Variants in KLHL4 observed in about 807,000 individuals in gnomAD.
KLHL4 encodes kelch-like protein 4.
A neutral mutation model predicts 45.8 loss-of-function variants in KLHL4; 17 were observed. The ratio of observed to expected loss-of-function variants is 0.37; its 90% CI spans 0.25 to 0.56. The LOEUF (loss-of-function observed/expected upper bound fraction) is 0.56, where lower values mean the gene tolerates loss of function less well. KLHL4 is among the 20% of genes least tolerant of loss of function. The pLI is 0.79. For missense variants in KLHL4, 544 were observed against 544.9 expected, an observed-to-expected ratio of 1.00 and a Z score of 0.02; for synonymous variants, 224 against 189.9, an observed-to-expected ratio of 1.18 and a Z score of -1.47.
Position 87,667,591 on chromosome X carries a change from T to TAAAA in KLHL4, c.*1067_*1070dup. ...AAAATGTTAGGATATGTGTGCTATA[T>TAAAA]AAAAAAAAAAAAAGACTTGTTAAGT... On this transcript the variant is annotated 3_prime_UTR_variant, in exon 11 of 11. Coordinates refer to ENST00000373119, the MANE Select transcript of KLHL4 (RefSeq NM_019117.5). 2.2e-6 allele frequency: 1 copy of TAAAA among 463,982 alleles called. No homozygotes were observed. The allele number at this position is 463,982 out of a possible 1,213,427, so 38.2% of individuals were successfully genotyped here. A position where few individuals can be genotyped will look rare whatever the true frequency, so the allele number is the denominator to read the frequency against.
intron 1 of KLHL4, among the ~76,000 whole-genome samples, chrX:87,613,281 A>T (rs765642749): frequency 1.1e-4 from 12 of 112,080 alleles, no homozygotes; most frequent in African/African-American, 3.9e-4. Context: ...GTGATGTTGA[A>T]AATACAGGTA....
In KLHL4 at chrX:87,632,250, T is replaced by C. The variant is rs774742257; in HGVS notation, c.1365T>C (p.Ser455=). ...TIEKYDLRTN[S]WLHIGTMNGR... ...AAAAATATGACCTCAGGACCAACAG[T>C]TGGCTACATATTGGCACCATGAATG... Residue 455 remains serine, a synonymous_variant, in exon 7 of 11, where the codon AGT becomes AGC. Coordinates refer to ENST00000373119, the MANE Select transcript of KLHL4 (RefSeq NM_019117.5). 9.9e-6 allele frequency: 12 copies of C among 1,206,218 alleles called. No homozygotes were observed. The South Asian group carries it at 1.1e-4, about 11-fold the overall frequency.
intron 1 of KLHL4, among the ~76,000 whole-genome samples, chrX:87,546,177 A>G (rs922131342): frequency 9.8e-5 from 11 of 112,170 alleles, no homozygotes; most frequent in African/African-American, 3.6e-4. Flanking sequence ...TGGGGATGTC[A>G]GACAACTTTA....
chrX:87,650,533 C>G (rs1569362220), intron 9 of KLHL4, among the ~76,000 whole-genome samples: 2 of 112,315 alleles, frequency 1.8e-5, no homozygotes, highest in African/African-American at 6.5e-5. Flanking sequence ...CCTAATTGCT[C>G]TGGTTTAAAA....
chrX:87,627,736 C>T (rs1293196334), intron 6 of KLHL4, among the ~76,000 whole-genome samples: 1 of 111,532 alleles, frequency 9.0e-6, no homozygotes, highest in African/African-American at 3.3e-5. Context: ...TACAAGAGAA[C>T]TAATTTAAAA....
chrX:87,648,379 AG>A (rs1923705112), intron 9 of KLHL4, among the ~76,000 whole-genome samples: 1 of 111,498 alleles, frequency 9.0e-6, no homozygotes, highest in Non-Finnish European at 1.9e-5. Flanking sequence ...ATTGAAGCAA[AG>A]AAGGAGACAG....
At chrX:87,666,412 A>T in intron 10 of KLHL4, 63 bp from the exon 11 acceptor site, 2 of 1,051,898 alleles carry the variant, frequency 1.9e-6, no homozygotes, top group Non-Finnish European at 2.6e-6. Flanking sequence ...ATTGAATATA[A>T]TATTTTATAT....
intron 5 of KLHL4, among the ~76,000 whole-genome samples, chrX:87,625,202 A>T (rs1180916681): frequency 2.7e-5 from 3 of 112,741 alleles, no homozygotes; most frequent in African/African-American, 9.7e-5. Context: ...AGCTACTACC[A>T]GCAGATTTTT....
At chrX:87,642,142 A>G (rs1454886783) in intron 9 of KLHL4, among the ~76,000 whole-genome samples, 3 of 110,209 alleles carry the variant, frequency 2.7e-5, no homozygotes, top group African/African-American at 9.9e-5. Flanking sequence ...ACTCCATTGC[A>G]CCCCCTGCCA....
Position 87,518,309 on chromosome X carries a change from C to T in KLHL4, c.416C>T (p.Thr139Ile). ...MMADDNIEDS[T>I]ARLDTQHSED... ...GCTGATGACAATATAGAAGATTCTA[C>T]AGCAAGGTAAGAGTTTTTGGTCGCA... Residue 139 changes from threonine to isoleucine, a missense_variant, in exon 1 of 11, where the codon ACA becomes ATA. By Grantham distance (89) the Thr-to-Ile change is moderately conservative (BLOSUM62 -1). Transcript: ENST00000373119. The T allele has an allele frequency of 1.7e-6, 2 of 1,202,033 alleles. No homozygotes were observed. Among genetic ancestry groups the T allele is most frequent in the Non-Finnish European group, 2.2e-6 (2 of 890,531 alleles).
At chrX:87,526,656 C>G (rs187416339) in intron 1 of KLHL4, among the ~76,000 whole-genome samples, 2 of 111,272 alleles carry the variant, frequency 1.8e-5, no homozygotes, top group Admixed American at 1.9e-4. Context: ...ATAGGAAGAA[C>G]GAAAAACCTT....
chrX:87,526,462 C>T lies in KLHL4; in HGVS notation c.422+8147C>T, dbSNP rs900005091. On this transcript the variant is annotated intron_variant, in intron 1 of 10. Transcript: ENST00000373119. ...GTATTCCCTTGAAAGGTTTCATGGCCGTAAAAAAGAAGTGCAATGTAAGAA... is the reference window on the plus strand; with the variant it reads ...GTATTCCCTTGAAAGGTTTCATGGCTGTAAAAAAGAAGTGCAATGTAAGAA... Among the ~76,000 whole-genome samples the T allele has an allele frequency of 7.2e-5, 8 of 111,274 alleles. 1 individual carries two copies. The highest frequency in any genetic ancestry group is 3.8e-4 in the Admixed American group (4 of 10,397).
chrX:87,569,288 C>T (rs765669915), intron 1 of KLHL4, among the ~76,000 whole-genome samples: 2 of 111,276 alleles, frequency 1.8e-5, no homozygotes, highest in South Asian at 3.7e-4. Flanking sequence ...ACCCACTAGC[C>T]TGCCTACAAT....
At chrX:87,652,487 C>T (rs1021551663) in intron 9 of KLHL4, among the ~76,000 whole-genome samples, 1 of 112,104 alleles carries the variant, frequency 8.9e-6, no homozygotes, top group African/African-American at 3.2e-5. Flanking sequence ...ACCAGATACC[C>T]TAAATAATTT....
intron 9 of KLHL4, among the ~76,000 whole-genome samples, chrX:87,641,662 C>T (rs1476523925): frequency 2.7e-5 from 3 of 111,132 alleles, no homozygotes; most frequent in Non-Finnish European, 3.8e-5. Flanking sequence ...AAGCCCGTCT[C>T]GTCCTCTACC....
rs1602394376 is a variant in KLHL4, at chrX:87,517,836, T to G, written c.-58T>G. ...ACAGAAGAGGCAGAAAAACAAGAGA[T>G]AACAAAGGCTCCGTTTCCTTTCTGT... On this transcript the variant is annotated 5_prime_UTR_variant, in exon 1 of 11. Coordinates refer to ENST00000373119, the MANE Select transcript of KLHL4 (RefSeq NM_019117.5). The G allele has an allele frequency of 9.0e-7, 1 of 1,108,958 alleles. No homozygotes were observed. Among genetic ancestry groups the G allele is most frequent in the Non-Finnish European group, 1.2e-6 (1 of 828,565 alleles). The allele number at this position is 1,108,958 out of a possible 1,213,427, so 91.4% of individuals were successfully genotyped here. A position where few individuals can be genotyped will look rare whatever the true frequency, so the allele number is the denominator to read the frequency against.
Position 87,635,680 on chromosome X carries a change from G to A in KLHL4, c.1830G>A (p.Val610=). Residue 610 remains valine, a synonymous_variant, in exon 9 of 11, where the codon GTG becomes GTA. Transcript: ENST00000373119. ...CAPMSKRRGG[V]GVATYNGFLY... is the part of the protein sequence containing the mutation. ...CAATGTCCAAAAGACGTGGAGGTGT[G>A]GGAGTTGCCACATACAATGGATTCT... is the stretch of plus-strand genomic sequence containing the variant. 1 of 1,209,965 alleles carries A rather than the reference G, an allele frequency of 8.3e-7. No individual in the cohort carries two copies. The highest frequency in any genetic ancestry group is 3.0e-5 in the East Asian group (1 of 33,819).
At chrX:87,601,148 C>CAG (rs771663079) in intron 1 of KLHL4, among the ~76,000 whole-genome samples, 7 of 111,678 alleles carry the variant, frequency 6.3e-5, no homozygotes, top group Admixed American at 9.5e-5. Context: ...AGATATAAGG[C>CAG]AGAGAGAGAG....
At chrX:87,626,971 G>A (rs1182359424) in intron 6 of KLHL4, among the ~76,000 whole-genome samples, 1 of 111,888 alleles carries the variant, frequency 8.9e-6, no homozygotes, top group Non-Finnish European at 1.9e-5. Flanking sequence ...ATTTGTAGAA[G>A]GAATGTGGGG....
Sources: gnomAD v4.1 joint callset for allele counts (sites outside exome capture counted in the v4.1 genomes callset) on GRCh38, gnomAD v4.1.1 for gene constraint, MANE v1.5 for transcripts, NCBI Gene and HGNC (gene_info 2026-07-23, HGNC 2026-07-21) for gene names.